OSBP: variants seen among roughly 807,000 people sequenced by gnomAD.
The protein encoded by OSBP is oxysterol-binding protein 1.
In OSBP, 32 loss-of-function variants were observed where a neutral mutation model predicts 96.6. That is an observed-to-expected ratio of 0.33 (90% CI 0.25 to 0.45). The LOEUF is 0.45. Among genes scored for constraint, OSBP ranks in the 20% least tolerant of loss-of-function variants. The pLI is 1.00. For missense variants in OSBP, 653 were observed against 1,029.7 expected (o/e 0.63, Z 5.01); for synonymous variants, 369 against 389.6 (o/e 0.95, Z 0.62).
Position 59,600,893 on chromosome 11 carries a change from A to C in OSBP, c.1125-20T>G. The C allele has an allele frequency of 6.2e-7, 1 of 1,608,408 alleles. No individual in the cohort carries two copies. Among genetic ancestry groups the C allele is most frequent in the South Asian group, 1.1e-5 (1 of 90,960 alleles). ...GTACGTCTGTACAGATGGGAAACACAGGAGAATTAGAACAAAGACCAGAAC... is the reference window on the plus strand; with the variant it reads ...GTACGTCTGTACAGATGGGAAACACCGGAGAATTAGAACAAAGACCAGAAC... On this transcript the variant is annotated intron_variant, in intron 5 of 13. Coordinates refer to ENST00000263847, the MANE Select transcript of OSBP (RefSeq NM_002556.3).
rs1247894790 is a variant in OSBP, at chr11:59,594,262, G to A, written c.1312-7C>T. On this transcript the variant is annotated splice_polypyrimidine_tract_variant and splice_region_variant and intron_variant, in intron 7 of 13. Coordinates refer to ENST00000263847, the MANE Select transcript of OSBP (RefSeq NM_002556.3). The stretch of plus-strand genomic sequence containing the variant: ...AGGGCTCATTAAAGTTTACCTGTAA[G>A]GAGAAGAACAGATATAAAAACTATG... 1.2e-6 allele frequency: 2 copies of A among 1,613,270 alleles called. No homozygotes were observed. Among genetic ancestry groups the A allele is most frequent in the African/African-American group, 2.7e-5 (2 of 74,880 alleles).
chr11:59,610,772 G>A (rs902833065), intron 1 of OSBP, among the ~76,000 whole-genome samples, 183 bp from the exon 2 acceptor site: 3 of 151,324 alleles, frequency 2.0e-5, no homozygotes, highest in African/African-American at 7.3e-5. Context: ...TCCCTTCAGA[G>A]CCTATAAGTG....
chr11:59,592,322 T>A (rs76123305), intron 9 of OSBP, among the ~76,000 whole-genome samples: 5 of 152,354 alleles, frequency 3.3e-5, no homozygotes, highest in South Asian at 2.1e-4. Context: ...TTTCTCCCTT[T>A]ACATATGTTA....
At chr11:59,580,782 G>T (rs533696663) in intron 10 of OSBP, among the ~76,000 whole-genome samples, 32 of 152,082 alleles carry the variant, frequency 2.1e-4, no homozygotes, top group South Asian at 1.9e-3. Context: ...GCCTCCCAAG[G>T]TGTTGGGATT....
intron 9 of OSBP, among the ~76,000 whole-genome samples, chr11:59,585,245 A>T (rs576466321): frequency 1.4e-5 from 2 of 147,464 alleles, no homozygotes; most frequent in Admixed American, 6.8e-5. Flanking sequence ...GTCTCTGCCC[A>T]GCCGCCCATC....
chr11:59,578,200 CCTCT>C lies in OSBP; in HGVS notation c.2005_2008del (p.Arg669AlafsTer32). ...GACCCTGCTTTCCTCTGCTTCATGG[CCTCT>C]CTGTCGAGCATCACCCCCATTTTCC... On this transcript the variant is annotated frameshift_variant, in exon 12 of 14. Transcript: ENST00000263847. LOFTEE classifies it high-confidence loss of function. 1 of 1,614,168 alleles carries C rather than the reference CCTCT, an allele frequency of 6.2e-7. No homozygotes were observed. Among genetic ancestry groups the C allele is most frequent in the South Asian group, 1.1e-5 (1 of 91,088 alleles).
At chr11:59,585,396 G>A (rs1268564124) in intron 9 of OSBP, among the ~76,000 whole-genome samples, 6 of 92,904 alleles carry the variant, frequency 6.5e-5, no homozygotes, top group East Asian at 3.4e-4. Flanking sequence ...GACCTCGCCC[G>A]GCAACCACCC....
intron 3 of OSBP, among the ~76,000 whole-genome samples, chr11:59,602,445 A>G (rs1446854756): frequency 6.6e-6 from 1 of 152,224 alleles, no homozygotes; most frequent in African/African-American, 2.4e-5. Flanking sequence ...AGAGGTTTAG[A>G]GAAAAAACCC....
At chr11:59,602,455 C>G (rs1860735467) in intron 3 of OSBP, among the ~76,000 whole-genome samples, 1 of 152,078 alleles carries the variant, frequency 6.6e-6, no homozygotes, top group East Asian at 1.9e-4. Flanking sequence ...AGAAAAAACC[C>G]ACAAATATGA....
At chr11:59,597,970 C>T (rs113082608) in intron 7 of OSBP, among the ~76,000 whole-genome samples, 25,902 of 151,926 alleles carry the variant, frequency 0.17, 4,027 homozygotes, top group African/African-American at 0.41. Context: ...TCTCCCAAAG[C>T]GCTAGGATTA....
In OSBP at chr11:59,576,358, C is replaced by A; in HGVS notation, c.*219G>T. On this transcript the variant is annotated 3_prime_UTR_variant, in exon 14 of 14. Coordinates refer to ENST00000263847, the MANE Select transcript of OSBP (RefSeq NM_002556.3). ...GGCCACTAAACCTCTCCCTTACAGA[C>A]ATAGTATCTCCTATGTCGATTTCAG... 4 of 546,652 alleles carry A rather than the reference C, an allele frequency of 7.3e-6. No homozygotes were observed. The South Asian group carries it at 1.0e-4, about 14-fold the overall frequency. 33.9% of individuals were successfully genotyped at this position (546,652 alleles called of 1,614,324 possible).
intron 5 of OSBP, 85 bp from the exon 6 acceptor site, chr11:59,600,958 C>A: frequency 8.9e-7 from 1 of 1,121,634 alleles, no homozygotes; most frequent in Non-Finnish European, 1.4e-6. Context: ...AAGCAGAATG[C>A]CAAGTACACT....
At chr11:59,608,126 AATAC>A (rs141275090) in intron 3 of OSBP, among the ~76,000 whole-genome samples, 1,608 of 151,074 alleles carry the variant, frequency 0.011, 17 homozygotes, top group African/African-American at 0.013. Context: ...AAAATAAATA[AATAC>A]ATACATACAT....
At position 59,575,919 on chromosome 11, in the gene OSBP, G is replaced by A. The variant is rs1860356170; in HGVS notation, c.*658C>T. 6.6e-6 allele frequency: 1 copy of A among 152,172 alleles called. No homozygotes were observed. The highest frequency in any genetic ancestry group is 1.5e-5 in the Non-Finnish European group (1 of 68,056). 9.4% of individuals were successfully genotyped at this position (152,172 alleles called of 1,614,324 possible). A position where few individuals can be genotyped will look rare whatever the true frequency, so the allele number is the denominator to read the frequency against. ...TTAAAGATGATGGAGAACAACAGAG[G>A]GGTGTTTGATGCAAGTAAAAACAGA... On this transcript the variant is annotated 3_prime_UTR_variant, in exon 14 of 14. Coordinates refer to ENST00000263847, the MANE Select transcript of OSBP (RefSeq NM_002556.3).
rs758053907 is a variant in OSBP at position 59,600,999 on chromosome 11, C to T, written c.1125-126G>A. 77 of 776,916 alleles carry T rather than the reference C, an allele frequency of 9.9e-5. 1 individual carries two copies. Among genetic ancestry groups the T allele is most frequent in the East Asian group, 2.8e-4 (11 of 39,834 alleles). The allele number at this position is 776,916 out of a possible 1,614,324, so 48.1% of individuals were successfully genotyped here. On this transcript the variant is annotated intron_variant, in intron 5 of 13. Transcript: ENST00000263847. Reference sequence around the variant, plus strand: ...AACTTATTGATGGGTGATCAAATGACGACATTTAGAGTAGGAATGAATTTA... The same window carrying T: ...AACTTATTGATGGGTGATCAAATGATGACATTTAGAGTAGGAATGAATTTA...
At chr11:59,581,346 A>G (rs954121410) in intron 10 of OSBP, 105 bp downstream of exon 10, 22 of 533,782 alleles carry the variant, frequency 4.1e-5, no homozygotes, top group African/African-American at 3.0e-4. Flanking sequence ...CTGATGAATC[A>G]GTAGCAACAT....
chr11:59,587,997 G>C lies in OSBP; in HGVS notation c.1678+5607C>G, dbSNP rs533445093. Among the ~76,000 whole-genome samples the C allele has an allele frequency of 1.2e-4, 18 of 152,320 alleles. No individual in the cohort carries two copies. In the South Asian group the frequency reaches 3.7e-3, roughly 32 times the overall value. ...GCAATCCAAGAGTCCATCAACAGAT[G>C]AATGGATAAGCAAAATGTGTACATA... On this transcript the variant is annotated intron_variant, in intron 9 of 13. Coordinates refer to ENST00000263847, the MANE Select transcript of OSBP (RefSeq NM_002556.3).
chr11:59,597,621 C>A, intron 7 of OSBP, among the ~76,000 whole-genome samples: 1 of 152,114 alleles, frequency 6.6e-6, no homozygotes, highest in Non-Finnish European at 1.5e-5. Context: ...CTCACTGCAG[C>A]CTCAACCTCC....
chr11:59,597,002 A>G (rs1860667250), intron 7 of OSBP, among the ~76,000 whole-genome samples: 2 of 152,162 alleles, frequency 1.3e-5, no homozygotes, highest in South Asian at 4.1e-4. Flanking sequence ...CTTAAAGGCA[A>G]GATCAATAAG....
Sources: allele counts gnomAD v4.1 joint callset (sites outside exome capture counted in the v4.1 genomes callset), GRCh38; gene constraint gnomAD v4.1.1; transcripts MANE v1.5; gene names NCBI Gene and HGNC (gene_info 2026-07-23, HGNC 2026-07-21).